Variants in MFHAS1 observed in about 807,000 individuals in gnomAD.
MFHAS1 encodes malignant fibrous histiocytoma-amplified sequence 1.
MFHAS1 carries 50 observed loss-of-function variants against 70.4 expected under a neutral mutation model. That is an observed-to-expected ratio of 0.71 (90% CI 0.57 to 0.90). The LOEUF (loss-of-function observed/expected upper bound fraction) is 0.90, where lower values mean the gene tolerates loss of function less well. MFHAS1 is among the 40% of genes least tolerant of loss of function. The pLI is 0.00. For missense variants in MFHAS1, 1,795 were observed against 1,347.6 expected (o/e 1.33, Z -5.20); for synonymous variants, 952 against 620.0 (o/e 1.54, Z -7.96).
chr8:8,784,071 G>C lies in MFHAS1; in HGVS notation c.*1951C>G, dbSNP rs1203730238. 4.6e-5 allele frequency: 7 copies of C among 152,140 alleles called. No individual in the cohort carries two copies. The highest frequency in any genetic ancestry group is 1.7e-4 in the African/African-American group (7 of 41,418). The allele number at this position is 152,140 out of a possible 1,614,324, so 9.4% of individuals were successfully genotyped here. A position where few individuals can be genotyped will look rare whatever the true frequency, so the allele number is the denominator to read the frequency against. On this transcript the variant is annotated 3_prime_UTR_variant, in exon 3 of 3. Coordinates refer to ENST00000276282, the MANE Select transcript of MFHAS1 (RefSeq NM_004225.3). ...TGTTCGTAACAGCAAATACTTTGTAGGGTGTGTCACCCAAAGGAGCATTTT... is the reference window on the plus strand; with the variant it reads ...TGTTCGTAACAGCAAATACTTTGTACGGTGTGTCACCCAAAGGAGCATTTT...
chr8:8,828,295 A>G (rs1166984972), intron 1 of MFHAS1, among the ~76,000 whole-genome samples: 1 of 152,268 alleles, frequency 6.6e-6, no homozygotes, highest in Non-Finnish European at 1.5e-5. Flanking sequence ...AATGTCTAAT[A>G]GGATATAGTT....
chr8:8,786,035 T>G lies in MFHAS1; in HGVS notation c.3146A>C (p.His1049Pro). ...PCSKKNVGEK[H>P]RNQ ...CAGCCACAAACGTCACTGGTTTCTG[T>G]GCTTTTCACCAACATTCTTCCTGTA... The change falls in exon 3 of 3, where the codon CAC becomes CCC. Residue 1049 changes from histidine (H) to proline (P), a missense_variant. Coordinates refer to ENST00000276282, the MANE Select transcript of MFHAS1 (RefSeq NM_004225.3). 1.2e-6 allele frequency: 2 copies of G among 1,614,192 alleles called. No individual in the cohort carries two copies. The highest frequency in any genetic ancestry group is 1.7e-6 in the Non-Finnish European group (2 of 1,180,022).
chr8:8,845,574 T>A (rs1461606452), intron 1 of MFHAS1, among the ~76,000 whole-genome samples: 2 of 152,158 alleles, frequency 1.3e-5, no homozygotes, highest in Non-Finnish European at 2.9e-5. Context: ...CATGGCAGGC[T>A]CCGGGGAATG....
chr8:8,828,744 T>A (rs1807256988), intron 1 of MFHAS1, among the ~76,000 whole-genome samples: 1 of 152,174 alleles, frequency 6.6e-6, no homozygotes, highest in African/African-American at 2.4e-5. Context: ...ATCTGTGCAG[T>A]CCTCACGGCG....
At chr8:8,843,542 C>T (rs1164753493) in intron 1 of MFHAS1, among the ~76,000 whole-genome samples, 1 of 152,190 alleles carries the variant, frequency 6.6e-6, no homozygotes, top group Non-Finnish European at 1.5e-5. Context: ...GATCATGCCA[C>T]TGCATGCCAG....
intron 1 of MFHAS1, among the ~76,000 whole-genome samples, chr8:8,853,657 C>G (rs1045273880): frequency 8.5e-5 from 13 of 152,122 alleles, no homozygotes; most frequent in Admixed American, 6.5e-4. Context: ...AACTCCGCCT[C>G]CAGGGTTCAA....
intron 1 of MFHAS1, among the ~76,000 whole-genome samples, chr8:8,808,810 T>C (rs1056497288): frequency 5.3e-5 from 8 of 152,150 alleles, no homozygotes; most frequent in Non-Finnish European, 7.4e-5. Flanking sequence ...CAGGATCCAG[T>C]AGGGTACTTG....
chr8:8,862,756 T>C (rs1808714002), intron 1 of MFHAS1, among the ~76,000 whole-genome samples: 1 of 152,208 alleles, frequency 6.6e-6, no homozygotes, highest in Non-Finnish European at 1.5e-5. Context: ...TGTAGGTTCA[T>C]CGATTGTAAC....
Position 8,828,056 on chromosome 8 carries a change from C to T in MFHAS1, c.2999-30565G>A, listed in dbSNP as rs541512936. On this transcript the variant is annotated intron_variant, in intron 1 of 2. Coordinates refer to ENST00000276282, the MANE Select transcript of MFHAS1 (RefSeq NM_004225.3). Reference sequence around the variant, plus strand: ...TTACTTCCCCCGGTGATTAGGAATGCCACCTTTTCCCAATCTGGAGGCACA... The same window carrying T: ...TTACTTCCCCCGGTGATTAGGAATGTCACCTTTTCCCAATCTGGAGGCACA... 4.6e-5 allele frequency among the ~76,000 whole-genome samples: 7 copies of T among 152,118 alleles called. No individual in the cohort carries two copies. In the East Asian group the frequency reaches 1.2e-3, roughly 25 times the overall value.
chr8:8,891,021 A>G lies in MFHAS1; in HGVS notation c.2038T>C (p.Trp680Arg). The change falls in exon 1 of 3, where the codon TGG (tryptophan) becomes CGG (arginine). Residue 680 changes from tryptophan to arginine, a missense_variant. Physicochemically the swap from Trp to Arg is moderately radical, Grantham distance 101 (BLOSUM62 -3). Coordinates refer to ENST00000276282, the MANE Select transcript of MFHAS1 (RefSeq NM_004225.3). The surrounding 1 kb of genome is among the most constrained non-coding windows in gnomAD (Gnocchi z 5.4). Reference protein sequence around the residue: ...HFQPPQAQRLWLSWWDSARLG... With the variant: ...HFQPPQAQRLRLSWWDSARLG... ...CGCGCCGAGTCCCACCAGCTTAGCC[A>G]CAGTCGCTGGGCCTGAGGTGGCTGG... 1 of 1,613,822 alleles carries G rather than the reference A, an allele frequency of 6.2e-7. No individual in the cohort carries two copies. Among genetic ancestry groups the G allele is most frequent in the Non-Finnish European group, 8.5e-7 (1 of 1,179,946 alleles).
In MFHAS1 at chr8:8,883,509, AC is replaced by A. The variant is rs965782825; in HGVS notation, c.2998+6551del. ...GATCACGTGAGGTCAGGAGTTCAAG[AC>A]GAGCCTGGCCAACATGGTGAAACCT... On this transcript the variant is annotated intron_variant, in intron 1 of 2. Coordinates refer to ENST00000276282, the MANE Select transcript of MFHAS1 (RefSeq NM_004225.3). Among the ~76,000 whole-genome samples, 99 of 151,860 alleles carry A rather than the reference AC, an allele frequency of 6.5e-4. 6 individuals are homozygous for A. Among genetic ancestry groups the A allele is most frequent in the Non-Finnish European group, 4.4e-5 (3 of 67,970 alleles).
intron 1 of MFHAS1, among the ~76,000 whole-genome samples, chr8:8,875,599 TTA>T (rs1032408302): frequency 2.0e-5 from 3 of 152,152 alleles, no homozygotes; most frequent in Non-Finnish European, 4.4e-5. Flanking sequence ...TCCAAATTTT[TTA>T]TGTTTTTTTG....
At chr8:8,846,114 A>G (rs936474973) in intron 1 of MFHAS1, among the ~76,000 whole-genome samples, 5 of 151,684 alleles carry the variant, frequency 3.3e-5, no homozygotes, top group African/African-American at 1.2e-4. Context: ...TTAGCTGGAC[A>G]TGGTGGCACG....
At chr8:8,840,780 G>T (rs1585045780) in intron 1 of MFHAS1, among the ~76,000 whole-genome samples, 1 of 152,256 alleles carries the variant, frequency 6.6e-6, no homozygotes, top group African/African-American at 2.4e-5. Flanking sequence ...CTATGTACTG[G>T]ATGCCTAACC....
At position 8,797,320 on chromosome 8, in the gene MFHAS1, G is replaced by T. The variant is rs763900810; in HGVS notation, c.3125+45C>A. ...TTTGTGGTCATATCTATGGAGCTGG[G>T]ATCAGGAGCCAGGTCCCGGGGCCAG... is the stretch of plus-strand genomic sequence containing the variant. On this transcript the variant is annotated intron_variant, in intron 2 of 2. Transcript: ENST00000276282. 7 of 1,608,178 alleles carry T rather than the reference G, an allele frequency of 4.4e-6. No individual in the cohort carries two copies. In the Admixed American group the frequency reaches 1.2e-4, roughly 27 times the overall value.
chr8:8,835,096 T>C (rs1196049546), intron 1 of MFHAS1, among the ~76,000 whole-genome samples: 1 of 152,164 alleles, frequency 6.6e-6, no homozygotes, highest in Non-Finnish European at 1.5e-5. Context: ...AGCTCTCTAA[T>C]AGGGCAACCT....
chr8:8,793,647 C>A (rs149788661), intron 2 of MFHAS1, among the ~76,000 whole-genome samples: 9 of 152,330 alleles, frequency 5.9e-5, no homozygotes, highest in Admixed American at 1.3e-4. Context: ...GTGGGAGGGA[C>A]TGTGCTGAGG....
chr8:8,831,173 C>G (rs915858440), intron 1 of MFHAS1, among the ~76,000 whole-genome samples: 2 of 150,540 alleles, frequency 1.3e-5, no homozygotes, highest in East Asian at 3.9e-4. Flanking sequence ...CCAATAAGGA[C>G]ACTAACCCCA....
At chr8:8,886,953 C>A (rs1252006117) in intron 1 of MFHAS1, among the ~76,000 whole-genome samples, 2 of 152,114 alleles carry the variant, frequency 1.3e-5, no homozygotes, top group Non-Finnish European at 2.9e-5. Flanking sequence ...TGGCGAAACC[C>A]CCGCCTCTAC....
Sources: allele counts gnomAD v4.1 joint callset (sites outside exome capture counted in the v4.1 genomes callset), GRCh38; gene constraint gnomAD v4.1.1; non-coding constraint Gnocchi (gnomAD v3.1); transcripts MANE v1.5; gene names NCBI Gene and HGNC (gene_info 2026-07-23, HGNC 2026-07-21).